Variants in TRMT11 observed in about 807,000 individuals in gnomAD.
TRMT11 encodes tRNA methyltransferase 11, also known as tRNA (guanine(10)-N(2))-methyltransferase TRMT11.
A neutral mutation model predicts 62.8 loss-of-function variants in TRMT11; 53 were observed. That is an observed-to-expected ratio of 0.84 (90% CI 0.68 to 1.06). TRMT11 has a LOEUF of 1.06. Ranked by LOEUF, TRMT11 falls within the 50% of genes least tolerant of loss-of-function variation. The pLI, the probability that TRMT11 is intolerant of heterozygous loss-of-function variation, is 0.00. For missense variants in TRMT11, 556 were observed against 553.4 expected, an observed-to-expected ratio of 1.00 and a Z score of -0.05; for synonymous variants, 188 against 190.3, an observed-to-expected ratio of 0.99 and a Z score of 0.10.
the TRMT11 span, among the ~76,000 whole-genome samples, chr6:126,238,546 T>C: frequency 1.3e-5 from 2 of 152,182 alleles, no homozygotes; most frequent in Non-Finnish European, 2.9e-5. Context: ...AATCCTGAGT[T>C]CTAGTTTGAT....
chr6:126,235,951 C>T, the TRMT11 span, among the ~76,000 whole-genome samples: 5 of 152,152 alleles, frequency 3.3e-5, no homozygotes, highest in Non-Finnish European at 7.3e-5. Context: ...TGAATTTTGC[C>T]ATGTGAATAT....
At chr6:126,008,794 A>G in intron 8 of TRMT11, 1 of 487,104 alleles carries the variant, frequency 2.1e-6, no homozygotes, top group Non-Finnish European at 4.0e-6. Context: ...GGGAGTCAAA[A>G]GTTATATGCA....
the TRMT11 span, among the ~76,000 whole-genome samples, chr6:126,219,589 C>G: frequency 6.6e-6 from 1 of 152,284 alleles, no homozygotes; most frequent in South Asian, 2.1e-4. Flanking sequence ...TAAGGAAGCC[C>G]TTATTAGCCT....
the TRMT11 span, among the ~76,000 whole-genome samples, chr6:126,229,989 A>G: frequency 6.6e-6 from 1 of 152,172 alleles, no homozygotes; most frequent in Non-Finnish European, 1.5e-5. Flanking sequence ...CTGGTAGCTG[A>G]GACATGAGGG....
rs568012429 is a variant in TRMT11, at chr6:126,165,098, G to A, written c.*1824-9727G>A. On this transcript the variant is annotated intron_variant and NMD_transcript_variant, in intron 21 of 22. Transcript: ENST00000648977. ...TCAAGACCAGTCTGGCCAACATGGT[G>A]AAACCCCGTCTCTACTAAAAATAAA... 1.0e-3 allele frequency among the ~76,000 whole-genome samples: 155 copies of A among 152,218 alleles called. 1 individual carries two copies. Among genetic ancestry groups the A allele is most frequent in the African/African-American group, 3.4e-3 (142 of 41,544 alleles).
In TRMT11 at chr6:126,035,437, A is replaced by G. The variant is rs143428545; in HGVS notation, c.1261-3268A>G. 5.8e-3 allele frequency among the ~76,000 whole-genome samples: 877 copies of G among 152,258 alleles called. 9 individuals carry two copies. The highest frequency in any genetic ancestry group is 0.019 in the African/African-American group (776 of 41,552). ...ATGATAGATGTTGTGTTTTGCAATC[A>G]GGAGTCATTTGGTCTTCTAGAAAGG... On this transcript the variant is annotated intron_variant, in intron 12 of 12. Transcript: ENST00000334379.
At chr6:126,085,777 C>T (rs868206861) in intron 17 of TRMT11, among the ~76,000 whole-genome samples, 3 of 152,252 alleles carry the variant, frequency 2.0e-5, no homozygotes, top group Admixed American at 6.5e-5. Flanking sequence ...TGTCAGTATA[C>T]GTTTGTCCAA....
chr6:126,235,964 T>G, the TRMT11 span, among the ~76,000 whole-genome samples: 1 of 152,238 alleles, frequency 6.6e-6, no homozygotes, highest in African/African-American at 2.4e-5. Context: ...GTGAATATGT[T>G]GGTACCTAGA....
chr6:126,212,363 G>A, the TRMT11 span, among the ~76,000 whole-genome samples: 2 of 152,090 alleles, frequency 1.3e-5, no homozygotes, highest in Non-Finnish European at 2.9e-5. Flanking sequence ...CTCCATAGTG[G>A]TTGTACTAAT....
chr6:126,004,770 T>C (rs1197969157), intron 7 of TRMT11, among the ~76,000 whole-genome samples: 2 of 152,096 alleles, frequency 1.3e-5, no homozygotes, highest in African/African-American at 4.8e-5. Flanking sequence ...GCTCACTTAC[T>C]ACTCATGGTT....
At chr6:126,045,695 T>C (rs1776036353) in intron 16 of TRMT11, among the ~76,000 whole-genome samples, 1 of 152,194 alleles carries the variant, frequency 6.6e-6, no homozygotes, top group Non-Finnish European at 1.5e-5. Context: ...CAATTAGTAC[T>C]AAGATATATC....
intron 21 of TRMT11, among the ~76,000 whole-genome samples, chr6:126,126,080 A>G (rs1158555464): frequency 6.6e-6 from 1 of 152,082 alleles, no homozygotes; most frequent in Non-Finnish European, 1.5e-5. Flanking sequence ...ACTTCCCATT[A>G]TAGTAAGAAA....
intron 17 of TRMT11, among the ~76,000 whole-genome samples, chr6:126,074,550 G>A (rs1776955399): frequency 6.6e-6 from 1 of 152,070 alleles, no homozygotes; most frequent in Non-Finnish European, 1.5e-5. Flanking sequence ...TAGGGCCTAG[G>A]AGTTAGCTTT....
intron 21 of TRMT11, among the ~76,000 whole-genome samples, chr6:126,134,808 A>G (rs545458441): frequency 2.4e-4 from 37 of 152,048 alleles, no homozygotes; most frequent in African/African-American, 7.7e-4. Flanking sequence ...TCTGAACACA[A>G]TGAAATAAAA....
At chr6:126,073,149 T>A (rs1776908546) in intron 17 of TRMT11, among the ~76,000 whole-genome samples, 1 of 152,208 alleles carries the variant, frequency 6.6e-6, no homozygotes, top group Non-Finnish European at 1.5e-5. Context: ...AAAGGCATTT[T>A]CCCTGTAGTT....
chr6:126,019,564 G>A lies in TRMT11; in HGVS notation c.1140-1596G>A, dbSNP rs572141620. ...ATACTTTAAGTCAGTCCACCAGGAAGTAAAAAATTTTTTTCCTTTAAAAAT... is the reference window on the plus strand; with the variant it reads ...ATACTTTAAGTCAGTCCACCAGGAAATAAAAAATTTTTTTCCTTTAAAAAT... On this transcript the variant is annotated intron_variant, in intron 11 of 12. Coordinates refer to ENST00000334379, the MANE Select transcript of TRMT11 (RefSeq NM_001031712.3). Among the ~76,000 whole-genome samples, 173 of 152,228 alleles carry A rather than the reference G, an allele frequency of 1.1e-3. 2 individuals are homozygous for A. The highest frequency in any genetic ancestry group is 2.0e-3 in the Non-Finnish European group (137 of 67,996).
At chr6:126,069,732 A>G (rs975358935) in intron 17 of TRMT11, among the ~76,000 whole-genome samples, 1 of 152,244 alleles carries the variant, frequency 6.6e-6, no homozygotes, top group South Asian at 2.1e-4. Context: ...CTTCAGAGAC[A>G]TCATCTTCTC....
the TRMT11 span, among the ~76,000 whole-genome samples, chr6:126,251,182 C>A: frequency 2.0e-4 from 31 of 152,126 alleles, no homozygotes; most frequent in South Asian, 6.5e-3. Context: ...AGGTGCCCGC[C>A]ACTGTGCCTG....
intron 9 of TRMT11, among the ~76,000 whole-genome samples, chr6:126,011,751 A>T (rs1360480036): frequency 1.3e-5 from 2 of 152,156 alleles, no homozygotes; most frequent in Non-Finnish European, 2.9e-5. Context: ...ATTGGTTATT[A>T]TACCAACTGG....
Sources: gnomAD v4.1 joint callset for allele counts (sites outside exome capture counted in the v4.1 genomes callset) on GRCh38, gnomAD v4.1.1 for gene constraint, MANE v1.5 for transcripts, NCBI Gene and HGNC (gene_info 2026-07-23, HGNC 2026-07-21) for gene names.